The following FAM184A variants were observed in gnomAD, a reference collection of about 807,000 sequenced individuals.
The protein encoded by FAM184A is family with sequence similarity 184 member A, also known as protein FAM184A.
In FAM184A, 99 loss-of-function variants were observed where a neutral mutation model predicts 143.8. That is an observed-to-expected ratio of 0.69 (90% CI 0.58 to 0.81). The LOEUF (loss-of-function observed/expected upper bound fraction) is 0.81. FAM184A is among the 40% of genes least tolerant of loss of function. The probability of loss-of-function intolerance (pLI) is 0.00; values close to 1 mark genes in which losing one functional copy is unlikely to be tolerated. For missense variants in FAM184A, 1,217 were observed against 1,310.5 expected (o/e 0.93, Z 1.10); for synonymous variants, 427 against 446.4 (o/e 0.96, Z 0.55).
At chr6:119,147,906 T>G (rs2114901267) in intron 1 of FAM184A, among the ~76,000 whole-genome samples, 1 of 152,330 alleles carries the variant, frequency 6.6e-6, no homozygotes, top group South Asian at 2.1e-4. Flanking sequence ...AGACTTCCCT[T>G]TTTTTCCACT....
Position 119,078,312 on chromosome 6 carries a change from C to A in FAM184A, c.-13G>T. 1 of 1,439,074 alleles carries A rather than the reference C, an allele frequency of 6.9e-7. No homozygotes were observed. The highest frequency in any genetic ancestry group is 9.1e-7 in the Non-Finnish European group (1 of 1,099,908). 89.1% of individuals were successfully genotyped at this position (1,439,074 alleles called of 1,614,324 possible). Reference sequence around the variant, plus strand: ...CCGGGGTCGCCATCTTCCCAACAGACCCCAGCCGGGGCACCTGTCCCCGCG... The same window carrying A: ...CCGGGGTCGCCATCTTCCCAACAGAACCCAGCCGGGGCACCTGTCCCCGCG... On this transcript the variant is annotated 5_prime_UTR_variant, in exon 1 of 18. Coordinates refer to ENST00000338891, the MANE Select transcript of FAM184A (RefSeq NM_024581.6). This position sits in a 1 kb window ranked among gnomAD's most constrained non-coding sequence, Gnocchi z 5.5.
At chr6:119,037,034 CTG>C in intron 1 of FAM184A, among the ~76,000 whole-genome samples, 1 of 152,272 alleles carries the variant, frequency 6.6e-6, no homozygotes, top group East Asian at 1.9e-4. Flanking sequence ...ATCCTGGACA[CTG>C]AGAGAATGAG....
intron 1 of FAM184A, chr6:119,031,626 CATTA>C (rs1259966968): frequency 2.0e-5 from 3 of 152,174 alleles, no homozygotes; most frequent in Non-Finnish European, 4.4e-5. Context: ...AAATCTAACT[CATTA>C]GTCATAAGAT....
At chr6:119,008,276 T>C (rs752508792) in intron 6 of FAM184A, among the ~76,000 whole-genome samples, 3 of 152,310 alleles carry the variant, frequency 2.0e-5, no homozygotes, top group Admixed American at 6.5e-5. Flanking sequence ...AAGTGCTTCA[T>C]TGAAACGTAA....
chr6:119,092,990 A>G (rs1310714956), intron 1 of FAM184A, among the ~76,000 whole-genome samples: 1 of 152,190 alleles, frequency 6.6e-6, no homozygotes, highest in Non-Finnish European at 1.5e-5. Flanking sequence ...ATAGTCTTGC[A>G]TATTACATGA....
chr6:119,127,558 C>A (rs1182297206), intron 1 of FAM184A, among the ~76,000 whole-genome samples: 1 of 152,200 alleles, frequency 6.6e-6, no homozygotes, highest in African/African-American at 2.4e-5. Context: ...AAACATGCCC[C>A]TGCCACTATC....
intron 1 of FAM184A, among the ~76,000 whole-genome samples, chr6:119,141,564 C>A (rs1042515063): frequency 1.3e-5 from 2 of 152,154 alleles, no homozygotes; most frequent in African/African-American, 4.8e-5. Context: ...GCAGTCTCTG[C>A]CTCCCAGGTT....
chr6:118,971,865 G>GAAT (rs1554264660), intron 14 of FAM184A, among the ~76,000 whole-genome samples: 3 of 151,166 alleles, frequency 2.0e-5, no homozygotes, highest in African/African-American at 7.3e-5. Context: ...AGGAGCAGAA[G>GAAT]CAAGAAGCTG....
intron 1 of FAM184A, among the ~76,000 whole-genome samples, chr6:119,030,357 A>G (rs1785822895): frequency 6.6e-6 from 1 of 151,972 alleles, no homozygotes; most frequent in Admixed American, 6.6e-5. Flanking sequence ...CTAATTGTTC[A>G]TTTTTCTATG....
In FAM184A at chr6:119,129,464, C is replaced by A. The variant is rs191329453; in HGVS notation, c.-202+19614G>T. On this transcript the variant is annotated intron_variant, in intron 1 of 16. Transcript: ENST00000352896. ...TCACTGAGATGCATGTTGCCTTTTT[C>A]TGAAAGCGTCTCATAATTAGTCTTT... Among the ~76,000 whole-genome samples the A allele has an allele frequency of 1.2e-4, 18 of 152,318 alleles. No homozygotes were observed. In the East Asian group the frequency reaches 2.7e-3, roughly 23 times the overall value.
intron 1 of FAM184A, among the ~76,000 whole-genome samples, chr6:119,071,537 AG>A (rs1191025235): frequency 6.6e-6 from 1 of 152,240 alleles, no homozygotes; most frequent in Non-Finnish European, 1.5e-5. Context: ...CTATAAACCC[AG>A]AAAGTTCCAC....
chr6:119,016,366 C>T (rs565362839), intron 5 of FAM184A, among the ~76,000 whole-genome samples: 3 of 152,276 alleles, frequency 2.0e-5, no homozygotes, highest in East Asian at 1.9e-4. Context: ...TTTGGGTCCA[C>T]GCTGCTTTTA....
chr6:118,979,302 GA>G (rs1315881682), intron 11 of FAM184A, 62 bp downstream of exon 11: 2 of 1,451,672 alleles, frequency 1.4e-6, no homozygotes, highest in African/African-American at 2.9e-5. Context: ...ATTTTATGTT[GA>G]ATTTAAAAAA....
chr6:119,123,645 T>C (rs1232760764), intron 1 of FAM184A, among the ~76,000 whole-genome samples: 1 of 152,170 alleles, frequency 6.6e-6, no homozygotes, highest in Non-Finnish European at 1.5e-5. Flanking sequence ...GAGAACTCTG[T>C]TTTCAACGTT....
At chr6:119,064,590 C>T (rs1028661559) in intron 1 of FAM184A, among the ~76,000 whole-genome samples, 1 of 152,140 alleles carries the variant, frequency 6.6e-6, no homozygotes, top group Non-Finnish European at 1.5e-5. Context: ...CCTGTAATAC[C>T]AGCTGTTCAA....
chr6:119,121,743 C>T (rs768542269), intron 1 of FAM184A, among the ~76,000 whole-genome samples: 3 of 152,088 alleles, frequency 2.0e-5, no homozygotes, highest in Non-Finnish European at 4.4e-5. Context: ...GTTTAGGAGG[C>T]TAAGTGGTTT....
chr6:119,131,588 C>T (rs1047415667), intron 1 of FAM184A, among the ~76,000 whole-genome samples: 15 of 152,198 alleles, frequency 9.9e-5, no homozygotes, highest in Middle Eastern at 3.4e-3. Context: ...TGGGCTCAAG[C>T]GATCCCCCTA....
chr6:119,029,525 T>C (rs899788484), intron 1 of FAM184A, among the ~76,000 whole-genome samples: 1 of 152,098 alleles, frequency 6.6e-6, no homozygotes, highest in Non-Finnish European at 1.5e-5. Flanking sequence ...TCAGTAAATA[T>C]ATAATTAAAT....
intron 1 of FAM184A, among the ~76,000 whole-genome samples, chr6:119,089,186 C>CTTTATTTATTTATTTATTTA (rs78123118): frequency 2.8e-5 from 4 of 142,394 alleles, no homozygotes; most frequent in Non-Finnish European, 4.5e-5. Flanking sequence ...ATCTCTCTCT[C>CTTTATTTATTTATTTATTTA]TTTATTTATT....
Sources: allele counts gnomAD v4.1 joint callset (sites outside exome capture counted in the v4.1 genomes callset), GRCh38; gene constraint gnomAD v4.1.1; non-coding constraint Gnocchi (gnomAD v3.1); transcripts MANE v1.5; gene names NCBI Gene and HGNC (gene_info 2026-07-23, HGNC 2026-07-21).